Variants in KCTD16 observed in about 807,000 individuals in gnomAD.
The protein encoded by KCTD16 is BTB/POZ domain-containing protein KCTD16.
KCTD16 carries 13 observed loss-of-function variants against 33.2 expected under a neutral mutation model. That is an observed-to-expected ratio of 0.39 (90% confidence interval 0.25 to 0.62). The LOEUF is 0.62. KCTD16 is among the 20% of genes least tolerant of loss of function. The pLI is 0.50. For missense variants in KCTD16, 441 were observed against 525.1 expected, an observed-to-expected ratio of 0.84 and a Z score of 1.57; for synonymous variants, 197 against 195.3, an observed-to-expected ratio of 1.01 and a Z score of -0.07.
At position 144,306,667 on chromosome 5, in the gene KCTD16, G is replaced by A. The variant is rs1009412625; in HGVS notation, c.832+99121G>A. ...CAGTGCTCTGTTTGACTTGGGCTCTGAAGACCTAAGACCTACCTTGGGATC... is the reference window on the plus strand; with the variant it reads ...CAGTGCTCTGTTTGACTTGGGCTCTAAAGACCTAAGACCTACCTTGGGATC... On this transcript the variant is annotated intron_variant, in intron 3 of 3. Transcript: ENST00000512467. Among the ~76,000 whole-genome samples, 100 of 152,210 alleles carry A rather than the reference G, an allele frequency of 6.6e-4. 1 individual carries two copies. The highest frequency in any genetic ancestry group is 2.3e-3 in the African/African-American group (95 of 41,444).
At chr5:144,185,273 C>T (rs1355976002) in intron 2 of KCTD16, among the ~76,000 whole-genome samples, 2 of 152,152 alleles carry the variant, frequency 1.3e-5, no homozygotes, top group African/African-American at 2.4e-5. Flanking sequence ...AAAATATCAC[C>T]TACATCTTTG....
intron 2 of KCTD16, among the ~76,000 whole-genome samples, chr5:144,179,929 C>T (rs1752582675): frequency 6.6e-6 from 1 of 152,180 alleles, no homozygotes; most frequent in Non-Finnish European, 1.5e-5. Context: ...GTTTTTTAAG[C>T]TTGACATAGT....
chr5:144,357,647 T>C (rs1013090846), intron 3 of KCTD16, among the ~76,000 whole-genome samples: 4 of 152,148 alleles, frequency 2.6e-5, no homozygotes, highest in Non-Finnish European at 5.9e-5. Context: ...TAGAAGACTG[T>C]CTAAAGAACT....
intron 2 of KCTD16, among the ~76,000 whole-genome samples, chr5:144,194,098 C>T (rs1397643574): frequency 2.6e-5 from 4 of 151,930 alleles, no homozygotes; most frequent in Non-Finnish European, 5.9e-5. Flanking sequence ...CATTTGCATA[C>T]AGTGAAGATG....
chr5:144,227,374 G>A (rs746022224), intron 3 of KCTD16, among the ~76,000 whole-genome samples: 2 of 152,182 alleles, frequency 1.3e-5, no homozygotes. Flanking sequence ...TATTGGAGAA[G>A]AAGCTTAGAA....
chr5:144,182,235 C>T (rs1380401488), intron 2 of KCTD16, among the ~76,000 whole-genome samples: 1 of 152,154 alleles, frequency 6.6e-6, no homozygotes, highest in Non-Finnish European at 1.5e-5. Context: ...GGTCACTTCC[C>T]CCCTTCACCT....
intron 3 of KCTD16, among the ~76,000 whole-genome samples, chr5:144,227,708 G>A (rs551927745): frequency 2.0e-5 from 3 of 152,258 alleles, no homozygotes; most frequent in South Asian, 2.1e-4. Context: ...GACAACTATC[G>A]GAATAATCCA....
chr5:144,218,538 AATATC>A (rs1192144269), intron 3 of KCTD16, among the ~76,000 whole-genome samples: 2 of 152,194 alleles, frequency 1.3e-5, no homozygotes, highest in African/African-American at 4.8e-5. Flanking sequence ...GCCAAGAACC[AATATC>A]ATGTTTTTTT....
chr5:144,474,424 G>T lies in KCTD16; in HGVS notation c.*310G>T. On this transcript the variant is annotated 3_prime_UTR_variant, in exon 4 of 4. Coordinates refer to ENST00000512467, the MANE Select transcript of KCTD16 (RefSeq NM_020768.4). ...ACGTAAAAGTAGCTGAGAGGCCTTG[G>T]GAGTCATTTATCCCAAACTGGGTTT... 4.4e-6 allele frequency: 1 copy of T among 229,462 alleles called. No individual in the cohort carries two copies. Among genetic ancestry groups the T allele is most frequent in the South Asian group, 6.9e-5 (1 of 14,454 alleles). 14.2% of individuals were successfully genotyped at this position (229,462 alleles called of 1,614,324 possible).
intron 3 of KCTD16, among the ~76,000 whole-genome samples, chr5:144,342,790 G>C (rs1191253588): frequency 6.6e-6 from 1 of 152,154 alleles, no homozygotes; most frequent in Non-Finnish European, 1.5e-5. Flanking sequence ...TAGCATGAAG[G>C]GCTGTTGAAT....
At chr5:144,220,556 A>G (rs1225373131) in intron 3 of KCTD16, among the ~76,000 whole-genome samples, 1 of 144,742 alleles carries the variant, frequency 6.9e-6, no homozygotes, top group Non-Finnish European at 1.6e-5. Flanking sequence ...GGTTATATGT[A>G]TATTTATGTG....
intron 3 of KCTD16, among the ~76,000 whole-genome samples, chr5:144,468,398 G>A (rs970446194): frequency 1.3e-5 from 2 of 152,154 alleles, no homozygotes; most frequent in Admixed American, 1.3e-4. Context: ...TGGATGCGTG[G>A]CTAGTTTAAC....
rs1431855911 is a variant in KCTD16 at position 144,479,021 on chromosome 5, A to G, written c.*4907A>G. On this transcript the variant is annotated 3_prime_UTR_variant, in exon 4 of 4. Coordinates refer to ENST00000512467, the MANE Select transcript of KCTD16 (RefSeq NM_020768.4). ...ATATCTCTGAGTGAGATGTATTCTA[A>G]TGATACCCAACAAGAAATAAAAATA... is the stretch of plus-strand genomic sequence containing the variant. 1 of 151,972 alleles carries G rather than the reference A, an allele frequency of 6.6e-6. No individual in the cohort carries two copies. 9.4% of individuals were successfully genotyped at this position (151,972 alleles called of 1,614,324 possible). A position where few individuals can be genotyped will look rare whatever the true frequency, so the allele number is the denominator to read the frequency against.
intron 3 of KCTD16, among the ~76,000 whole-genome samples, chr5:144,466,499 T>C (rs1754335687): frequency 6.6e-6 from 1 of 152,134 alleles, no homozygotes; most frequent in African/African-American, 2.4e-5. Context: ...GTTGTTCAAA[T>C]AGCTGGTTAC....
At chr5:144,197,928 T>G (rs996548749) in intron 2 of KCTD16, among the ~76,000 whole-genome samples, 1 of 152,232 alleles carries the variant, frequency 6.6e-6, no homozygotes, top group African/African-American at 2.4e-5. Flanking sequence ...AGTGAAATTT[T>G]GAAACTGGAA....
intron 3 of KCTD16, among the ~76,000 whole-genome samples, chr5:144,347,607 G>A (rs1257155402): frequency 6.6e-6 from 1 of 152,060 alleles, no homozygotes; most frequent in Non-Finnish European, 1.5e-5. Flanking sequence ...TTTCAGGGAG[G>A]GGTGTCAGGA....
chr5:144,212,115 A>G (rs2126794744), intron 3 of KCTD16, among the ~76,000 whole-genome samples: 1 of 152,304 alleles, frequency 6.6e-6, no homozygotes, highest in African/African-American at 2.4e-5. Context: ...AACAAACCGC[A>G]GTTTAAGTAT....
At chr5:144,272,229 G>T (rs1755318675) in intron 3 of KCTD16, among the ~76,000 whole-genome samples, 1 of 152,018 alleles carries the variant, frequency 6.6e-6, no homozygotes, top group Admixed American at 6.6e-5. Context: ...TTCAAGACCA[G>T]CCTGGCCAAC....
intron 3 of KCTD16, among the ~76,000 whole-genome samples, chr5:144,256,617 G>GTT (rs796627421): frequency 4.3e-5 from 4 of 93,920 alleles, no homozygotes; most frequent in African/African-American, 9.4e-5. Flanking sequence ...AGTTTTTTTT[G>GTT]TTTTTTTTTT....
Sources: gnomAD v4.1 joint callset for allele counts (sites outside exome capture counted in the v4.1 genomes callset) on GRCh38, gnomAD v4.1.1 for gene constraint, MANE v1.5 for transcripts, NCBI Gene and HGNC (gene_info 2026-07-23, HGNC 2026-07-21) for gene names.